Variants in NREP observed in about 807,000 individuals in gnomAD.
NREP encodes neuronal regeneration-related protein.
A neutral mutation model predicts 8.6 loss-of-function variants in NREP; 5 were observed. The observed-to-expected ratio is 0.58, with a 90% CI of 0.30 to 1.22. NREP has a LOEUF of 1.22. Ranked by LOEUF, NREP falls within the 50% of genes most tolerant of loss-of-function variation. The pLI is 0.07. For synonymous variants in NREP, 27 were observed against 28.0 expected (o/e 0.96, Z 0.11); for missense variants, 86 against 82.5 (o/e 1.04, Z -0.17).
At position 111,771,426 on chromosome 5, in the gene NREP, T is replaced by TACACAC. The variant is rs111799670; in HGVS notation, c.136-35925_136-35920dup. On this transcript the variant is annotated intron_variant, in intron 2 of 3. Transcript: ENST00000395634. ...CCTGGTGAGAGGCTTCATAGTCTTT[T>TACACAC]ACACACACACACACACACACACACA... 6.9e-3 allele frequency among the ~76,000 whole-genome samples: 1,018 copies of TACACAC among 147,290 alleles called. 4 individuals carry two copies. Among genetic ancestry groups the TACACAC allele is most frequent in the Non-Finnish European group, 0.011 (712 of 66,448 alleles).
chr5:111,819,323 A>G (rs1752464161), intron 2 of NREP, among the ~76,000 whole-genome samples: 1 of 152,142 alleles, frequency 6.6e-6, no homozygotes, highest in Non-Finnish European at 1.5e-5. Flanking sequence ...AAACGGAATT[A>G]GCATAGACTG....
At chr5:111,898,081 C>T (rs1005195747) in intron 2 of NREP, among the ~76,000 whole-genome samples, 13 of 152,040 alleles carry the variant, frequency 8.6e-5, no homozygotes, top group Middle Eastern at 3.2e-3. Context: ...TCATTTAGAG[C>T]GTTACAAGTG....
At chr5:111,896,654 T>C (rs958839924) in intron 2 of NREP, among the ~76,000 whole-genome samples, 1 of 152,234 alleles carries the variant, frequency 6.6e-6, no homozygotes, top group African/African-American at 2.4e-5. Flanking sequence ...CTACCTCTTA[T>C]AACTTCTTTT....
At chr5:111,802,649 A>G (rs1752041097) in intron 2 of NREP, among the ~76,000 whole-genome samples, 1 of 152,246 alleles carries the variant, frequency 6.6e-6, no homozygotes, top group South Asian at 2.1e-4. Flanking sequence ...CATTATCTGA[A>G]TGTTAGCCAA....
chr5:111,776,580 G>A (rs986836189), intron 2 of NREP, among the ~76,000 whole-genome samples: 10 of 152,040 alleles, frequency 6.6e-5, no homozygotes, highest in African/African-American at 1.9e-4. Flanking sequence ...CCATCAACAA[G>A]AGAATGAATA....
chr5:111,809,545 G>A (rs1276560787), intron 2 of NREP, among the ~76,000 whole-genome samples: 1 of 152,136 alleles, frequency 6.6e-6, no homozygotes, highest in Non-Finnish European at 1.5e-5. Context: ...ATTAGTTCTT[G>A]TGAGAATGGA....
chr5:111,783,430 A>T (rs1751539002), intron 2 of NREP, among the ~76,000 whole-genome samples: 1 of 152,234 alleles, frequency 6.6e-6, no homozygotes, highest in African/African-American at 2.4e-5. Context: ...ATTGTCAGTT[A>T]TGCTTAACTT....
At chr5:111,931,406 C>G (rs1755532952) in intron 2 of NREP, among the ~76,000 whole-genome samples, 2 of 152,084 alleles carry the variant, frequency 1.3e-5, no homozygotes, top group South Asian at 2.1e-4. Flanking sequence ...ACCCAAACAA[C>G]CTAAGGCGAG....
chr5:111,846,977 TA>T (rs893937663), intron 2 of NREP, among the ~76,000 whole-genome samples: 4 of 152,260 alleles, frequency 2.6e-5, no homozygotes, highest in African/African-American at 9.6e-5. Context: ...ATAAAGTCAG[TA>T]AAAAAATCTT....
intron 2 of NREP, among the ~76,000 whole-genome samples, chr5:111,762,753 T>A (rs1750990090): frequency 6.6e-6 from 1 of 152,212 alleles, no homozygotes; most frequent in South Asian, 2.1e-4. Context: ...GAATGCCTGT[T>A]GTTTAAGCCC....
intron 3 of NREP, chr5:111,735,037 C>T (rs1416927533): frequency 2.9e-6 from 1 of 345,134 alleles, no homozygotes; most frequent in African/African-American, 2.1e-5. Context: ...CTCCCTTTTG[C>T]TTCATGGATA....
intron 2 of NREP, among the ~76,000 whole-genome samples, chr5:111,849,768 C>T (rs1753264986): frequency 2.0e-5 from 3 of 152,034 alleles, no homozygotes; most frequent in Admixed American, 6.6e-5. Flanking sequence ...TTCTAGACTC[C>T]CTTGTAGCTA....
chr5:111,949,538 G>C (rs1245233468), intron 2 of NREP, among the ~76,000 whole-genome samples: 1 of 151,926 alleles, frequency 6.6e-6, no homozygotes. Context: ...ATGCAGGTTT[G>C]TTACATAGGT....
chr5:111,845,681 A>G (rs371581559), intron 2 of NREP, among the ~76,000 whole-genome samples: 1 of 152,210 alleles, frequency 6.6e-6, no homozygotes, highest in Non-Finnish European at 1.5e-5. Flanking sequence ...AAGCTGTTAC[A>G]TAAGTTTCAA....
Position 111,830,969 on chromosome 5 carries a change from A to T in NREP, c.136-95462T>A, listed in dbSNP as rs1209535165. On this transcript the variant is annotated intron_variant, in intron 2 of 3. Coordinates refer to the NREP transcript ENST00000395634. ...TTATTTACTTGTACTTCCCTGTTCCATAAGTGATGGAAGGAATTCTCCTAT... is the reference window on the plus strand; with the variant it reads ...TTATTTACTTGTACTTCCCTGTTCCTTAAGTGATGGAAGGAATTCTCCTAT... 2.0e-5 allele frequency among the ~76,000 whole-genome samples: 3 copies of T among 152,174 alleles called. No individual in the cohort carries two copies. In the East Asian group the frequency reaches 5.8e-4, roughly 29 times the overall value.
chr5:111,754,754 C>G (rs1009819522), intron 2 of NREP, among the ~76,000 whole-genome samples: 9 of 152,160 alleles, frequency 5.9e-5, no homozygotes, highest in Non-Finnish European at 8.8e-5. Flanking sequence ...AAATAAAACA[C>G]TTGTTAATAA....
At chr5:111,948,897 C>G (rs375855480) in intron 2 of NREP, 1 of 151,912 alleles carries the variant, frequency 6.6e-6, no homozygotes, top group African/African-American at 2.4e-5. Flanking sequence ...ACTTGGTGAC[C>G]AAAACTCATC....
intron 2 of NREP, among the ~76,000 whole-genome samples, chr5:111,790,944 T>A (rs1021245802): frequency 6.6e-6 from 1 of 152,168 alleles, no homozygotes; most frequent in African/African-American, 2.4e-5. Context: ...ATATGTGGGT[T>A]CAGCAGGGCC....
chr5:111,951,341 C>T (rs985564770), intron 2 of NREP, among the ~76,000 whole-genome samples: 3 of 151,904 alleles, frequency 2.0e-5, no homozygotes, highest in African/African-American at 4.8e-5. Context: ...TTATATATTT[C>T]TATTTATGTA....
Sources: gnomAD v4.1 joint callset for allele counts (sites outside exome capture counted in the v4.1 genomes callset) on GRCh38, gnomAD v4.1.1 for gene constraint, MANE v1.5 for transcripts, NCBI Gene and HGNC (gene_info 2026-07-23, HGNC 2026-07-21) for gene names.